Variants in MGAT5 observed in about 807,000 individuals in gnomAD.
MGAT5 encodes alpha-1,6-mannosylglycoprotein 6-beta-N-acetylglucosaminyltransferase.
In MGAT5, 30 loss-of-function variants were observed where a neutral mutation model predicts 94.3. That is an observed-to-expected ratio of 0.32 (90% confidence interval 0.24 to 0.43). The LOEUF is 0.43. Among genes scored for constraint, MGAT5 ranks in the 20% least tolerant of loss-of-function variants. MGAT5 has a pLI of 1.00. For synonymous variants in MGAT5, 310 were observed against 322.9 expected, an observed-to-expected ratio of 0.96 and a Z score of 0.43; for missense variants, 691 against 905.5, an observed-to-expected ratio of 0.76 and a Z score of 3.04.
chr2:134,304,494 T>A (rs1452511750), intron 2 of MGAT5, among the ~76,000 whole-genome samples: 1 of 152,186 alleles, frequency 6.6e-6, no homozygotes, highest in African/African-American at 2.4e-5. Context: ...GTTGAAAACC[T>A]TTGTGTTTCC....
chr2:134,230,174 A>G (rs1179361423), intron 1 of MGAT5, among the ~76,000 whole-genome samples: 1 of 152,224 alleles, frequency 6.6e-6, no homozygotes, highest in African/African-American at 2.4e-5. Context: ...ATCAGGCATT[A>G]GATTCTCATA....
chr2:134,379,370 T>C (rs1029777345), intron 10 of MGAT5, among the ~76,000 whole-genome samples: 54 of 152,202 alleles, frequency 3.5e-4, no homozygotes, highest in African/African-American at 1.3e-3. Flanking sequence ...TTGTGGCCAG[T>C]ACCCAAAAGA....
chr2:134,362,270 A>C lies in MGAT5; in HGVS notation c.1247-5A>C, dbSNP rs771935109. On this transcript the variant is annotated splice_region_variant and splice_polypyrimidine_tract_variant and intron_variant, in intron 9 of 15. Coordinates refer to ENST00000281923, the MANE Select transcript of MGAT5 (RefSeq NM_002410.5). ...AACTGTCCTCTCCATTTCTTTGCAC[A>C]CCAGCTCATACCCCAGACAACAGCT... 7 of 1,613,096 alleles carry C rather than the reference A, an allele frequency of 4.3e-6. No individual in the cohort carries two copies. Among genetic ancestry groups the C allele is most frequent in the Non-Finnish European group, 5.9e-6 (7 of 1,179,456 alleles).
intron 1 of MGAT5, among the ~76,000 whole-genome samples, chr2:134,186,235 G>A (rs562564885): frequency 6.6e-6 from 1 of 152,344 alleles, no homozygotes; most frequent in South Asian, 2.1e-4. Context: ...AGCCTTTTGT[G>A]TAGTGAGAGT....
chr2:134,396,331 A>G (rs1215810544), intron 10 of MGAT5, among the ~76,000 whole-genome samples: 1 of 152,152 alleles, frequency 6.6e-6, no homozygotes, highest in African/African-American at 2.4e-5. Flanking sequence ...AGAGATTTGC[A>G]TTTTAGAACT....
chr2:134,219,634 GA>G (rs1423843522), intron 1 of MGAT5, among the ~76,000 whole-genome samples: 1 of 152,206 alleles, frequency 6.6e-6, no homozygotes, highest in Non-Finnish European at 1.5e-5. Flanking sequence ...GAAACACAGA[GA>G]GACATCTGTC....
At chr2:134,441,613 A>T in intron 14 of MGAT5, 145 bp from the exon 15 acceptor site, 2 of 959,182 alleles carry the variant, frequency 2.1e-6, no homozygotes, top group Non-Finnish European at 3.2e-6. Context: ...CTGAGCCCCA[A>T]TCCAGCCCAT....
intron 1 of MGAT5, among the ~76,000 whole-genome samples, chr2:134,172,246 C>T (rs889618158): frequency 1.2e-4 from 18 of 152,066 alleles, no homozygotes; most frequent in Admixed American, 2.6e-4. Context: ...TGAACTGGAG[C>T]GTGTGACTCC....
chr2:134,187,938 C>T (rs1410773336), intron 1 of MGAT5, among the ~76,000 whole-genome samples: 1 of 152,134 alleles, frequency 6.6e-6, no homozygotes, highest in African/African-American at 2.4e-5. Context: ...TTGTGTCAGC[C>T]GTGGAGAGAT....
chr2:134,191,702 C>T (rs1271393856), intron 1 of MGAT5, among the ~76,000 whole-genome samples: 3 of 143,080 alleles, frequency 2.1e-5, no homozygotes, highest in Non-Finnish European at 4.5e-5. Context: ...CTGGCGTGAG[C>T]GGGTTCCTGA....
rs527617448 is a variant in MGAT5 at position 134,435,171 on chromosome 2, T to C, written c.1870-6587T>C. Among the ~76,000 whole-genome samples, 20 of 152,262 alleles carry C rather than the reference T, an allele frequency of 1.3e-4. No homozygotes were observed. In the South Asian group the frequency reaches 3.5e-3, roughly 27 times the overall value. On this transcript the variant is annotated intron_variant, in intron 14 of 15. Transcript: ENST00000281923. ...AAATCTCCAGTGTCTTCCATCTTAC[T>C]TCATGGAAAAGCTAGAGCATTCAAT... is the stretch of plus-strand genomic sequence containing the variant.
At chr2:134,359,941 G>C (rs1679977808) in intron 9 of MGAT5, among the ~76,000 whole-genome samples, 1 of 152,190 alleles carries the variant, frequency 6.6e-6, no homozygotes, top group South Asian at 2.1e-4. Flanking sequence ...AGTCATGGCT[G>C]AGCAAACCCT....
At chr2:134,243,909 G>A (rs1682098340) in intron 1 of MGAT5, among the ~76,000 whole-genome samples, 1 of 152,156 alleles carries the variant, frequency 6.6e-6, no homozygotes, top group African/African-American at 2.4e-5. Flanking sequence ...TGGAAATAAT[G>A]AGCTTTATCT....
chr2:134,284,669 C>G (rs1473961625), intron 2 of MGAT5, among the ~76,000 whole-genome samples: 2 of 151,834 alleles, frequency 1.3e-5, no homozygotes, highest in Non-Finnish European at 2.9e-5. Context: ...TTAGTTCTTT[C>G]CTCAGAGCAA....
In MGAT5 at chr2:134,235,540, C is replaced by T. The variant is rs145202782; in HGVS notation, c.-142-18722C>T. On this transcript the variant is annotated intron_variant, in intron 1 of 16. Coordinates refer to the MGAT5 transcript ENST00000409645. The stretch of plus-strand genomic sequence containing the variant: ...ATTGAGGAAAATAACCTAACCCAAT[C>T]GACAGGGCCGGTAACACCATGAGCT... Among the ~76,000 whole-genome samples, 80 of 152,102 alleles carry T rather than the reference C, an allele frequency of 5.3e-4. 1 individual carries two copies. Among genetic ancestry groups the T allele is most frequent in the African/African-American group, 1.8e-3 (73 of 41,468 alleles).
chr2:134,121,498 G>C (rs1685588258), intron 1 of MGAT5, among the ~76,000 whole-genome samples: 1 of 152,228 alleles, frequency 6.6e-6, no homozygotes, highest in South Asian at 2.1e-4. Context: ...GGGGGTGCTT[G>C]GCTCCTCAGG....
intron 11 of MGAT5, among the ~76,000 whole-genome samples, chr2:134,403,917 G>C (rs79367083): frequency 0.015 from 2,336 of 152,270 alleles, 72 homozygotes; most frequent in African/African-American, 0.053. Context: ...GCATGATGAC[G>C]TGTTGCTTTG....
intron 1 of MGAT5, among the ~76,000 whole-genome samples, chr2:134,194,649 C>T (rs1679409798): frequency 6.6e-6 from 1 of 152,050 alleles, no homozygotes; most frequent in East Asian, 1.9e-4. Context: ...CGTGCATTCT[C>T]TCCCTCCCCC....
At chr2:134,331,609 G>A (rs1364487258) in intron 4 of MGAT5, among the ~76,000 whole-genome samples, 3 of 152,176 alleles carry the variant, frequency 2.0e-5, no homozygotes, top group Admixed American at 1.3e-4. Flanking sequence ...TAGAGATGGC[G>A]TTGACGGCAG....
Sources: allele counts gnomAD v4.1 joint callset (sites outside exome capture counted in the v4.1 genomes callset), GRCh38; gene constraint gnomAD v4.1.1; transcripts MANE v1.5; gene names NCBI Gene and HGNC (gene_info 2026-07-23, HGNC 2026-07-21).